Variants in RBFOX1 observed in about 807,000 individuals in gnomAD.
RBFOX1 encodes the protein RNA binding protein fox-1 homolog 1.
Under a neutral mutation model 57.7 loss-of-function variants are expected in RBFOX1, and 8 were observed. The ratio of observed to expected loss-of-function variants is 0.14; its 90% CI spans 0.08 to 0.25. The LOEUF (loss-of-function observed/expected upper bound fraction) is 0.25. Among genes scored for constraint, RBFOX1 ranks in the 10% least tolerant of loss-of-function variants. The pLI, the probability that RBFOX1 is intolerant of heterozygous loss-of-function variation, is 1.00. For missense variants in RBFOX1, 611 were observed against 548.5 expected (o/e 1.11, Z -1.14); for synonymous variants, 326 against 222.4 (o/e 1.47, Z -4.15).
intron 3 of RBFOX1, among the ~76,000 whole-genome samples, chr16:6,859,143 A>ATATATATATGTATATATATACG (rs1567592560): frequency 2.3e-5 from 2 of 88,092 alleles, no homozygotes; most frequent in Non-Finnish European, 4.2e-5. Flanking sequence ...ATATATACGT[A>ATATATATATGTATATATATACG]TATATATATG....
intron 2 of RBFOX1, among the ~76,000 whole-genome samples, chr16:6,448,284 C>G (rs890663143): frequency 1.3e-5 from 2 of 150,836 alleles, no homozygotes; most frequent in African/African-American, 4.9e-5. Context: ...CTTAGCCTCC[C>G]AAGTAGCTGG....
intron 4 of RBFOX1, among the ~76,000 whole-genome samples, chr16:7,399,028 G>C (rs1340298849): frequency 1.3e-5 from 2 of 152,358 alleles, no homozygotes; most frequent in East Asian, 3.9e-4. Flanking sequence ...TGGGGCAAGT[G>C]TTGAGTGACT....
chr16:5,285,059 C>G (rs938756331), intron 1 of RBFOX1, among the ~76,000 whole-genome samples: 11 of 151,990 alleles, frequency 7.2e-5, no homozygotes, highest in Admixed American at 2.0e-4. Context: ...TTTTCTATGC[C>G]TTTACCCATC....
chr16:7,443,161 C>A (rs955563585), intron 4 of RBFOX1, among the ~76,000 whole-genome samples: 11 of 152,278 alleles, frequency 7.2e-5, no homozygotes, highest in African/African-American at 2.2e-4. Flanking sequence ...TAACACCCGT[C>A]AATTCTAGGA....
At chr16:5,620,521 G>A (rs534152009) in intron 3 of RBFOX1, among the ~76,000 whole-genome samples, 6 of 152,196 alleles carry the variant, frequency 3.9e-5, no homozygotes, top group South Asian at 4.2e-4. Context: ...GTGTGTCAGC[G>A]GGGTTGGTTT....
intron 2 of RBFOX1, among the ~76,000 whole-genome samples, chr16:5,474,053 GA>G (rs1313025243): frequency 3.9e-5 from 6 of 152,028 alleles, no homozygotes; most frequent in Non-Finnish European, 8.8e-5. Context: ...AGGAAGGAAG[GA>G]TGAATGGGTG....
At chr16:7,239,175 G>T (rs1395686424) in intron 4 of RBFOX1, among the ~76,000 whole-genome samples, 1 of 152,148 alleles carries the variant, frequency 6.6e-6, no homozygotes, top group South Asian at 2.1e-4. Context: ...ATATGATGAG[G>T]CTACTTCTAC....
chr16:7,238,149 A>G (rs1392078118), intron 4 of RBFOX1, among the ~76,000 whole-genome samples: 4 of 152,200 alleles, frequency 2.6e-5, no homozygotes, highest in African/African-American at 7.2e-5. Context: ...ATTCACAAAG[A>G]CAAAAAGTGG....
At chr16:6,382,525 C>A (rs775025329) in intron 2 of RBFOX1, among the ~76,000 whole-genome samples, 5 of 152,260 alleles carry the variant, frequency 3.3e-5, no homozygotes, top group Admixed American at 2.6e-4. Flanking sequence ...GCTGTCCTAT[C>A]TGTGTGATGA....
At chr16:7,270,276 C>G (rs1603464706) in intron 4 of RBFOX1, among the ~76,000 whole-genome samples, 1 of 152,184 alleles carries the variant, frequency 6.6e-6, no homozygotes, top group Admixed American at 6.5e-5. Flanking sequence ...AAGTAATTCA[C>G]ACTAACATGT....
chr16:6,502,239 A>C lies in RBFOX1; in HGVS notation c.-63-152364A>C, dbSNP rs564153272. On this transcript the variant is annotated intron_variant, in intron 2 of 15. Coordinates refer to ENST00000550418, the MANE Select transcript of RBFOX1 (RefSeq NM_018723.4). ...TATGCAGATCCATCTGTAGGGATCTAGATCGGCTACAATAGTAGTGGCCCC... is the reference window on the plus strand; with the variant it reads ...TATGCAGATCCATCTGTAGGGATCTCGATCGGCTACAATAGTAGTGGCCCC... Among the ~76,000 whole-genome samples, 4 of 152,272 alleles carry C rather than the reference A, an allele frequency of 2.6e-5. No individual in the cohort carries two copies. The East Asian group carries it at 5.8e-4, about 22-fold the overall frequency.
chr16:6,888,126 G>T (rs1411451139), intron 3 of RBFOX1, among the ~76,000 whole-genome samples: 1 of 152,106 alleles, frequency 6.6e-6, no homozygotes, highest in African/African-American at 2.4e-5. Context: ...TTCCCTGGAG[G>T]ACAGGTTTTA....
chr16:7,332,654 C>T (rs2096713591), intron 4 of RBFOX1: 8 of 567,122 alleles, frequency 1.4e-5, no homozygotes, highest in Non-Finnish European at 1.9e-5. Flanking sequence ...GTCACTTGGT[C>T]TCTTGGTCTC....
At chr16:5,528,528 T>C (rs1040570816) in intron 2 of RBFOX1, among the ~76,000 whole-genome samples, 4 of 151,212 alleles carry the variant, frequency 2.6e-5, no homozygotes, top group African/African-American at 9.7e-5. Flanking sequence ...GTCCTGCATA[T>C]TCCCCCGACA....
chr16:6,390,916 G>A (rs776141628), intron 2 of RBFOX1, among the ~76,000 whole-genome samples: 1 of 152,094 alleles, frequency 6.6e-6, no homozygotes, highest in East Asian at 1.9e-4. Context: ...GGCTTGTGGG[G>A]CCGGGTTTCT....
chr16:5,859,669 A>G (rs1033885322), intron 3 of RBFOX1, among the ~76,000 whole-genome samples: 1 of 152,186 alleles, frequency 6.6e-6, no homozygotes, highest in Non-Finnish European at 1.5e-5. Context: ...TTGGCCAGCA[A>G]CCATGCCAGG....
intron 4 of RBFOX1, among the ~76,000 whole-genome samples, chr16:7,388,780 T>TACAG (rs2097931787): frequency 6.6e-6 from 1 of 151,720 alleles, no homozygotes; most frequent in African/African-American, 2.4e-5. Context: ...GTTAGATGAG[T>TACAG]TTGTCCAAAT....
At chr16:6,637,429 AT>A (rs371899429) in intron 2 of RBFOX1, among the ~76,000 whole-genome samples, 19 of 11,902 alleles carry the variant, frequency 1.6e-3, no homozygotes, top group South Asian at 0.071. Context: ...ATATAAATAT[AT>A]TATATAAATA....
At chr16:6,372,824 G>A (rs1274007405) in intron 2 of RBFOX1, among the ~76,000 whole-genome samples, 1 of 151,734 alleles carries the variant, frequency 6.6e-6, no homozygotes, top group East Asian at 1.9e-4. Flanking sequence ...TAACTGGATG[G>A]GAGGATGGTT....
Sources: gnomAD v4.1 joint callset for allele counts (sites outside exome capture counted in the v4.1 genomes callset) on GRCh38, gnomAD v4.1.1 for gene constraint, MANE v1.5 for transcripts, NCBI Gene and HGNC (gene_info 2026-07-23, HGNC 2026-07-21) for gene names.